ATRAID: variants seen among roughly 807,000 people sequenced by gnomAD.
ATRAID encodes the protein all-trans retinoic acid induced differentiation factor, also known as all-trans retinoic acid-induced differentiation factor.
In ATRAID, 26 loss-of-function variants were observed where a neutral mutation model predicts 28.8. The ratio of observed to expected loss-of-function variants is 0.90; its 90% confidence interval spans 0.66 to 1.25. ATRAID has a LOEUF of 1.25. Ranked by LOEUF, ATRAID falls within the 50% of genes most tolerant of loss-of-function variation. The pLI is 0.00. For missense variants in ATRAID, 308 were observed against 285.9 expected, an observed-to-expected ratio of 1.08 and a Z score of -0.56; for synonymous variants, 131 against 108.5, an observed-to-expected ratio of 1.21 and a Z score of -1.29.
intron 1 of ATRAID, 198 bp from the exon 2 acceptor site, chr2:27,212,979 C>T (rs1674659330): frequency 1.6e-6 from 1 of 627,104 alleles, no homozygotes; most frequent in Non-Finnish European, 2.7e-6. Context: ...GGAGCTGATT[C>T]GGCGCAGGAC....
intron 1 of ATRAID, 90 bp from the exon 2 acceptor site, chr2:27,213,087 A>C: frequency 6.6e-7 from 1 of 1,517,608 alleles, no homozygotes; most frequent in Non-Finnish European, 9.0e-7. Flanking sequence ...GGAATTCTGG[A>C]AACGTGTACT....
intron 2 of ATRAID, among the ~76,000 whole-genome samples, chr2:27,214,713 G>T (rs1055826130): frequency 3.3e-5 from 5 of 152,180 alleles, no homozygotes; most frequent in African/African-American, 4.8e-5. Flanking sequence ...TTAGCCAGGC[G>T]TGGTGGCATG....
At position 27,212,191 on chromosome 2, in the gene ATRAID, A is replaced by C. The variant is rs1674587854; in HGVS notation, c.-178A>C. ...GGGGGTCGGCCAGTATCCCCGAAAG[A>C]GGGCTAGGGCGCATGAAGACCAGCG... is the stretch of plus-strand genomic sequence containing the variant. On this transcript the variant is annotated 5_prime_UTR_variant, in exon 1 of 7. Transcript: ENST00000380171. The C allele has an allele frequency of 1.9e-6, 3 of 1,543,796 alleles. No homozygotes were observed. The highest frequency in any genetic ancestry group is 4.9e-5 in the East Asian group (2 of 40,918).
rs748413481 is a variant in ATRAID at position 27,212,467 on chromosome 2, G to A, written c.99G>A (p.Glu33=). The A allele has an allele frequency of 1.5e-5, 24 of 1,561,692 alleles. No individual in the cohort carries two copies. Among genetic ancestry groups the A allele is most frequent in the Non-Finnish European group, 2.1e-5 (24 of 1,155,576 alleles). ...TGGAAAGGGCTCTGGCGCTACCCGA[G>A]GTACAGAAGCAAGTTTGAGGTCGGG... The part of the protein sequence containing the change: ...LGVERALALP[E]ICTQCPGSVQ... The change falls in exon 1 of 7, where the codon GAG becomes GAA. Residue 33 remains glutamate (E), a splice_region_variant and synonymous_variant. Coordinates refer to ENST00000380171, the MANE Select transcript of ATRAID (RefSeq NM_001170795.4).
At chr2:27,212,696 T>C in intron 1 of ATRAID, 2 of 1,316,148 alleles carry the variant, frequency 1.5e-6, no homozygotes, top group Non-Finnish European at 2.0e-6. Context: ...ATTTCGCCCC[T>C]TAATTTTAGA....
intron 2 of ATRAID, among the ~76,000 whole-genome samples, chr2:27,213,931 C>A (rs1001449501): frequency 1.3e-5 from 2 of 152,044 alleles, no homozygotes; most frequent in African/African-American, 2.4e-5. Context: ...CAGAGTAATA[C>A]CTTTTTTAAA....
Position 27,212,479 on chromosome 2 carries a change from A to G in ATRAID, c.99+12A>G. On this transcript the variant is annotated intron_variant, in intron 1 of 6. Coordinates refer to ENST00000380171, the MANE Select transcript of ATRAID (RefSeq NM_001170795.4). ...TGGCGCTACCCGAGGTACAGAAGCA[A>G]GTTTGAGGTCGGGCTGAAGCAGGGT... The G allele has an allele frequency of 6.4e-7, 1 of 1,558,438 alleles. No individual in the cohort carries two copies. The highest frequency in any genetic ancestry group is 8.7e-7 in the Non-Finnish European group (1 of 1,154,222).
rs1247016636 is a variant in ATRAID at position 27,216,966 on chromosome 2, A to G, written c.*18A>G. On this transcript the variant is annotated 3_prime_UTR_variant, in exon 7 of 7. Coordinates refer to ENST00000380171, the MANE Select transcript of ATRAID (RefSeq NM_001170795.4). ...CTTCATGAACTACATAGGTCTTACC[A>G]TTGACCTAAGATCAATCTGAACTAT... 1.9e-6 allele frequency: 3 copies of G among 1,575,576 alleles called. No homozygotes were observed. Among genetic ancestry groups the G allele is most frequent in the East Asian group, 2.2e-5 (1 of 44,652 alleles).
In ATRAID at chr2:27,212,327, GGGCCGGGTCGCGC is replaced by G. The variant is rs1425630063; in HGVS notation, c.-40_-28del. ...TGACGCGCTGCGGGGCGGGGCCGCG[GGGCCGGGTCGCGC>G]GAGCAGCGGAGCACCAAGGGAACGG... is the stretch of plus-strand genomic sequence containing the variant. On this transcript the variant is annotated 5_prime_UTR_variant, in exon 1 of 7. Coordinates refer to ENST00000380171, the MANE Select transcript of ATRAID (RefSeq NM_001170795.4). The G allele has an allele frequency of 1.3e-6, 2 of 1,549,318 alleles. No individual in the cohort carries two copies. Among genetic ancestry groups the G allele is most frequent in the Admixed American group, 2.0e-5 (1 of 50,866 alleles).
intron 1 of ATRAID, 145 bp from the exon 2 acceptor site, chr2:27,213,032 G>A: frequency 9.9e-7 from 1 of 1,005,798 alleles, no homozygotes; most frequent in Non-Finnish European, 1.5e-6. Flanking sequence ...CCTGTTACAA[G>A]GGTGGGACAC....
Position 27,212,266 on chromosome 2 carries a change from A to ACCGG in ATRAID, c.-102_-99dup. 6.4e-7 allele frequency: 1 copy of ACCGG among 1,557,228 alleles called. No individual in the cohort carries two copies. Among genetic ancestry groups the ACCGG allele is most frequent in the Non-Finnish European group, 8.7e-7 (1 of 1,150,908 alleles). ...CCCCAAGCAGCCCCAGGGCGACTGG[A>ACCGG]CCGGGCCGCTTAGGCCACGCCCGGG... On this transcript the variant is annotated 5_prime_UTR_variant, in exon 1 of 7. It introduces an in-frame stop codon into an upstream open reading frame of the 5' UTR. Transcript: ENST00000380171.
Position 27,215,521 on chromosome 2 carries a change from G to T in ATRAID, c.341G>T (p.Arg114Leu), listed in dbSNP as rs774832372. ...PLKGDLANTF[R>L]GFTQLQTLIL... ...AAAGGTGACTTGGCCAACACCTTCC[G>T]TGGCTTTACTCAGCTCCAGACTCTG... Residue 114 changes from arginine to leucine, a missense_variant, in exon 4 of 7, where the codon CGT becomes CTT. By Grantham distance (102) the Arg-to-Leu change is moderately radical. Transcript: ENST00000380171. 1.2e-6 allele frequency: 2 copies of T among 1,614,108 alleles called. No individual in the cohort carries two copies. Among genetic ancestry groups the T allele is most frequent in the African/African-American group, 2.7e-5 (2 of 74,928 alleles).
chr2:27,215,544 CT>C lies in ATRAID; in HGVS notation c.365del (p.Leu122ArgfsTer23). ...CCGTGGCTTTACTCAGCTCCAGACT[CT>C]GTGAGTAAGGGTATGGGAAGAGAAT... is the stretch of plus-strand genomic sequence containing the variant. Reference protein sequence around the residue: ...TFRGFTQLQTLILPQHVNCPG... With the variant: ...TFRGFTQLQTXILPQHVNCPG... On this transcript the variant is annotated frameshift_variant and splice_region_variant, in exon 4 of 7. Transcript: ENST00000380171. LOFTEE classifies it high-confidence loss of function. 1 of 1,614,226 alleles carries C rather than the reference CT, an allele frequency of 6.2e-7. No homozygotes were observed. The highest frequency in any genetic ancestry group is 8.5e-7 in the Non-Finnish European group (1 of 1,180,034).
Position 27,217,096 on chromosome 2 carries a change from G to C in ATRAID, c.*148G>C, listed in dbSNP as rs1674881439. On this transcript the variant is annotated 3_prime_UTR_variant, in exon 7 of 7. Coordinates refer to ENST00000380171, the MANE Select transcript of ATRAID (RefSeq NM_001170795.4). ...GGAAGATGAAAAATTGCACTCCCTT[G>C]GTGTAGACAAATACCAGTTCCCATT... 1 of 628,778 alleles carries C rather than the reference G, an allele frequency of 1.6e-6. No individual in the cohort carries two copies. Among genetic ancestry groups the C allele is most frequent in the South Asian group, 2.1e-5 (1 of 48,542 alleles). 38.9% of individuals were successfully genotyped at this position (628,778 alleles called of 1,614,324 possible).
chr2:27,214,665 A>C (rs1300087920), intron 2 of ATRAID, among the ~76,000 whole-genome samples: 1 of 152,206 alleles, frequency 6.6e-6, no homozygotes, highest in Non-Finnish European at 1.5e-5. Flanking sequence ...CAGCCTGACC[A>C]ACATGGTGAA....
At chr2:27,213,457 C>T (rs1341306673) in intron 2 of ATRAID, 159 bp downstream of exon 2, 2 of 916,706 alleles carry the variant, frequency 2.2e-6, no homozygotes, top group East Asian at 2.8e-5. Context: ...TCTTTTTTAA[C>T]CTTTCCACAC....
chr2:27,212,393 CTT>C lies in ATRAID; in HGVS notation c.26_27del (p.Leu9HisfsTer44). On this transcript the variant is annotated frameshift_variant, in exon 1 of 7. Transcript: ENST00000380171. LOFTEE classifies it high-confidence loss of function. ...AATGGCGCCTCACGACCCGGGTAGT[CTT>C]ACGACCCTGGTGCCCTGGGCTGCCG... MAPHDPGS[L>X]TTLVPWAAAL... The C allele has an allele frequency of 6.4e-7, 1 of 1,551,070 alleles. No individual in the cohort carries two copies.
chr2:27,215,870 AC>A (rs1674806887), intron 5 of ATRAID, 117 bp downstream of exon 5: 1 of 1,349,158 alleles, frequency 7.4e-7, no homozygotes, highest in Non-Finnish European at 1.0e-6. Flanking sequence ...TGGGGCTATA[AC>A]CCCTTTGAAA....
chr2:27,215,261 T>C, intron 2 of ATRAID, 60 bp from the exon 3 acceptor site: 1 of 1,544,772 alleles, frequency 6.5e-7, no homozygotes, highest in Non-Finnish European at 8.9e-7. Flanking sequence ...AAATACAAAC[T>C]GTGCCGTGGC....
Sources: gnomAD v4.1 joint callset for allele counts (sites outside exome capture counted in the v4.1 genomes callset) on GRCh38, gnomAD v4.1.1 for gene constraint, MANE v1.5 for transcripts, NCBI Gene and HGNC (gene_info 2026-07-23, HGNC 2026-07-21) for gene names.